Variants in LDLRAD3 observed in about 807,000 individuals in gnomAD.
The protein encoded by LDLRAD3 is low-density lipoprotein receptor class A domain-containing protein 3.
LDLRAD3 carries 20 observed loss-of-function variants against 29.4 expected under a neutral mutation model. The ratio of observed to expected loss-of-function variants is 0.68; its 90% CI spans 0.48 to 0.99. LDLRAD3 has a LOEUF of 0.99. Ranked by LOEUF, LDLRAD3 falls within the 50% of genes least tolerant of loss-of-function variation. The pLI is 0.00. For synonymous variants in LDLRAD3, 157 were observed against 192.7 expected (o/e 0.81, Z 1.53); for missense variants, 420 against 454.3 (o/e 0.92, Z 0.69).
chr11:36,008,856 A>G (rs1385328043), intron 1 of LDLRAD3, among the ~76,000 whole-genome samples: 1 of 152,208 alleles, frequency 6.6e-6, no homozygotes, highest in Non-Finnish European at 1.5e-5. Flanking sequence ...TTCGATTTCC[A>G]CTGAGGCCTT....
Position 35,944,201 on chromosome 11 carries a change from G to C in LDLRAD3, c.46+57G>C. The C allele has an allele frequency of 1.1e-6, 1 of 946,838 alleles. No homozygotes were observed. 58.7% of individuals were successfully genotyped at this position (946,838 alleles called of 1,614,324 possible). On this transcript the variant is annotated intron_variant, in intron 1 of 5. Coordinates refer to ENST00000315571, the MANE Select transcript of LDLRAD3 (RefSeq NM_174902.4). This position sits in a 1 kb window ranked among gnomAD's most constrained non-coding sequence, Gnocchi z 4.9. Reference sequence around the variant, plus strand: ...CGGGGCGCGGGGCGCGGGGCGCGGGGCGCAGCGGCCGGGTGCGATCGCGTC... The same window carrying C: ...CGGGGCGCGGGGCGCGGGGCGCGGGCCGCAGCGGCCGGGTGCGATCGCGTC...
In LDLRAD3 at chr11:36,025,590, C is replaced by T. The variant is rs1044000317; in HGVS notation, c.47-10513C>T. Among the ~76,000 whole-genome samples, 6 of 151,752 alleles carry T rather than the reference C, an allele frequency of 4.0e-5. No individual in the cohort carries two copies. In the East Asian group the frequency reaches 5.8e-4, roughly 15 times the overall value. On this transcript the variant is annotated intron_variant, in intron 1 of 5. Transcript: ENST00000315571. ...TTTTTTAGTAGAGACGGGGTTTCAC[C>T]CTGTTAGCCAGGATGGGCTTGATCT...
chr11:36,134,135 G>T (rs561857081), intron 4 of LDLRAD3, among the ~76,000 whole-genome samples: 1 of 152,208 alleles, frequency 6.6e-6, no homozygotes, highest in Non-Finnish European at 1.5e-5. Context: ...TTGTTTGTCT[G>T]CAAGTTACCT....
chr11:36,060,777 G>A (rs1173495994), intron 2 of LDLRAD3, among the ~76,000 whole-genome samples: 2 of 152,110 alleles, frequency 1.3e-5, no homozygotes, highest in African/African-American at 4.8e-5. Context: ...ACTAAAATTT[G>A]AGCCCTGATA....
intron 2 of LDLRAD3, among the ~76,000 whole-genome samples, chr11:36,070,774 A>G (rs889075009): frequency 1.1e-4 from 16 of 152,264 alleles, no homozygotes; most frequent in African/African-American, 3.1e-4. Flanking sequence ...CTGCAGGTGG[A>G]TCACTGACTT....
intron 2 of LDLRAD3, among the ~76,000 whole-genome samples, chr11:36,065,146 A>G (rs1230983129): frequency 1.3e-5 from 2 of 152,026 alleles, no homozygotes; most frequent in African/African-American, 2.4e-5. Context: ...TTAACTGACT[A>G]TTTCTTCCTT....
intron 1 of LDLRAD3, among the ~76,000 whole-genome samples, chr11:35,950,040 G>C (rs1416896110): frequency 1.3e-5 from 2 of 152,222 alleles, no homozygotes; most frequent in Non-Finnish European, 2.9e-5. Flanking sequence ...GCCACACCCA[G>C]GCACTGTGTC....
chr11:36,102,892 A>C (rs1853470893), intron 4 of LDLRAD3, among the ~76,000 whole-genome samples: 1 of 152,064 alleles, frequency 6.6e-6, no homozygotes. Context: ...ACCTCTGATG[A>C]TCCCCACCTC....
intron 4 of LDLRAD3, among the ~76,000 whole-genome samples, chr11:36,142,051 A>G (rs1590302185): frequency 6.6e-6 from 1 of 152,192 alleles, no homozygotes; most frequent in Non-Finnish European, 1.5e-5. Flanking sequence ...CTAAGGAAAA[A>G]TAAACCACTA....
At chr11:36,194,978 A>C (rs11602754) in intron 4 of LDLRAD3, among the ~76,000 whole-genome samples, 13,381 of 152,238 alleles carry the variant, frequency 0.088, 617 homozygotes, top group East Asian at 0.19. Flanking sequence ...CTGGGCTTGC[A>C]TTTCTTCCAA....
chr11:35,954,724 C>T (rs1003906661), intron 1 of LDLRAD3, among the ~76,000 whole-genome samples: 1 of 152,132 alleles, frequency 6.6e-6, no homozygotes, highest in Non-Finnish European at 1.5e-5. Flanking sequence ...CAGGATATCC[C>T]TTGGCTTAAA....
chr11:35,981,211 G>T (rs1228079288), intron 1 of LDLRAD3, among the ~76,000 whole-genome samples: 3 of 151,674 alleles, frequency 2.0e-5, no homozygotes, highest in Non-Finnish European at 2.9e-5. Flanking sequence ...AGCGGGCGGG[G>T]GTTGGGGGTG....
At chr11:36,165,259 T>C (rs1267145964) in intron 4 of LDLRAD3, among the ~76,000 whole-genome samples, 1 of 152,236 alleles carries the variant, frequency 6.6e-6, no homozygotes, top group African/African-American at 2.4e-5. Context: ...TGGGTGCATC[T>C]TATTTTACTT....
intron 2 of LDLRAD3, among the ~76,000 whole-genome samples, chr11:36,074,786 G>A (rs1429474051): frequency 3.3e-5 from 5 of 152,178 alleles, no homozygotes; most frequent in Admixed American, 3.3e-4. Context: ...AACCTGTCTG[G>A]AAGGACACGA....
At chr11:35,948,683 TC>T (rs1762587839) in intron 1 of LDLRAD3, among the ~76,000 whole-genome samples, 1 of 152,092 alleles carries the variant, frequency 6.6e-6, no homozygotes, top group African/African-American at 2.4e-5. Flanking sequence ...AACTGCTTGG[TC>T]GGGGGAGAGC....
chr11:36,193,484 G>A (rs149280784), intron 4 of LDLRAD3, among the ~76,000 whole-genome samples: 50 of 152,210 alleles, frequency 3.3e-4, no homozygotes, highest in African/African-American at 1.1e-3. Flanking sequence ...TTAGAAGATC[G>A]AAACACCCCA....
At chr11:36,220,655 G>T (rs1378814827) in intron 4 of LDLRAD3, among the ~76,000 whole-genome samples, 1 of 152,168 alleles carries the variant, frequency 6.6e-6, no homozygotes, top group South Asian at 2.1e-4. Flanking sequence ...CATACTGTAG[G>T]ATTCCACTTA....
chr11:35,964,686 G>T lies in LDLRAD3; in HGVS notation c.46+20542G>T, dbSNP rs571877147. On this transcript the variant is annotated intron_variant, in intron 1 of 5. Transcript: ENST00000315571. ...ACTTGAATGGTGAGAGTAGAAGCTGGGTTTGTAAATTAGGGTTGAGCCTGG... is the reference window on the plus strand; with the variant it reads ...ACTTGAATGGTGAGAGTAGAAGCTGTGTTTGTAAATTAGGGTTGAGCCTGG... 5.3e-5 allele frequency among the ~76,000 whole-genome samples: 8 copies of T among 152,232 alleles called. No homozygotes were observed. The South Asian group carries it at 1.7e-3, about 32-fold the overall frequency.
chr11:36,097,561 G>A (rs1423826761), intron 3 of LDLRAD3, among the ~76,000 whole-genome samples: 1 of 152,136 alleles, frequency 6.6e-6, no homozygotes, highest in Non-Finnish European at 1.5e-5. Flanking sequence ...TAGCATGTCG[G>A]GGTGGAGAGT....
Sources: gnomAD v4.1 joint callset for allele counts (sites outside exome capture counted in the v4.1 genomes callset) on GRCh38, gnomAD v4.1.1 for gene constraint, Gnocchi (gnomAD v3.1) non-coding constraint, MANE v1.5 for transcripts, NCBI Gene and HGNC (gene_info 2026-07-23, HGNC 2026-07-21) for gene names.